Variants in CDC5L observed in about 807,000 individuals in gnomAD.
The protein encoded by CDC5L is cell division cycle 5 like.
Under a neutral mutation model 104.1 loss-of-function variants are expected in CDC5L, and 18 were observed. That is an observed-to-expected ratio of 0.17 (90% CI 0.12 to 0.26). The LOEUF (loss-of-function observed/expected upper bound fraction) is 0.26, where lower values mean the gene tolerates loss of function less well. Ranked by LOEUF, CDC5L falls within the 10% of genes least tolerant of loss-of-function variation. The pLI is 1.00. For missense variants in CDC5L, 673 were observed against 956.9 expected (o/e 0.70, Z 3.91); for synonymous variants, 331 against 322.7 (o/e 1.03, Z -0.28).
chr6:44,428,310 TTTG>T (rs1792519718), intron 13 of CDC5L, among the ~76,000 whole-genome samples: 1 of 152,078 alleles, frequency 6.6e-6, no homozygotes, highest in South Asian at 2.1e-4. Flanking sequence ...TTCCGTTTCT[TTTG>T]TTAAAATTTT....
chr6:44,390,913 T>C (rs1195127471), intron 2 of CDC5L, among the ~76,000 whole-genome samples: 1 of 144,100 alleles, frequency 6.9e-6, no homozygotes, highest in African/African-American at 2.6e-5. Flanking sequence ...CTTAATGTTA[T>C]ATATTATATA....
chr6:44,416,103 T>C (rs1234775203), intron 8 of CDC5L, among the ~76,000 whole-genome samples: 1 of 152,188 alleles, frequency 6.6e-6, no homozygotes, highest in Non-Finnish European at 1.5e-5. Context: ...CTTGGCCTCC[T>C]CTGATGTAGT....
intron 10 of CDC5L, among the ~76,000 whole-genome samples, chr6:44,423,030 C>T (rs573716149): frequency 2.6e-5 from 4 of 152,102 alleles, no homozygotes; most frequent in Non-Finnish European, 4.4e-5. Context: ...TATTGATGTT[C>T]GTTGTTGATT....
chr6:44,398,721 G>T (rs1197989290), intron 5 of CDC5L, among the ~76,000 whole-genome samples: 2 of 152,218 alleles, frequency 1.3e-5, no homozygotes, highest in South Asian at 4.2e-4. Flanking sequence ...TTGTGTAAAG[G>T]TTTTCTAATG....
At chr6:44,393,912 C>G (rs531554681) in intron 4 of CDC5L, among the ~76,000 whole-genome samples, 32 of 152,172 alleles carry the variant, frequency 2.1e-4, no homozygotes, top group Non-Finnish European at 4.4e-4. Context: ...GCTATCCTCC[C>G]TTTTCTGCCT....
chr6:44,392,703 A>G lies in CDC5L; in HGVS notation c.186A>G (p.Glu62=), dbSNP rs752980106. 1.4e-5 allele frequency: 23 copies of G among 1,613,988 alleles called. No individual in the cohort carries two copies. The highest frequency in any genetic ancestry group is 1.1e-5 in the South Asian group (1 of 91,086). Residue 62 remains glutamate, a synonymous_variant, in exon 3 of 16, where the codon GAA becomes GAG. Coordinates refer to ENST00000371477, the MANE Select transcript of CDC5L (RefSeq NM_001253.4). The part of the protein sequence containing the change: ...EWLDPSIKKT[E]WSREEEEKLL... ...TGGATCCAAGCATTAAGAAGACAGA[A>G]TGGTCCAGAGAAGAAGAGGAAAAAC...
chr6:44,400,889 C>G (rs866665936), intron 5 of CDC5L, among the ~76,000 whole-genome samples: 1 of 152,194 alleles, frequency 6.6e-6, no homozygotes, highest in Non-Finnish European at 1.5e-5. Flanking sequence ...AGTTGCACTA[C>G]AAAGTGATCC....
chr6:44,404,736 C>T (rs1019943503), intron 6 of CDC5L, among the ~76,000 whole-genome samples: 5 of 152,066 alleles, frequency 3.3e-5, no homozygotes, highest in African/African-American at 1.2e-4. Flanking sequence ...ACTCTTATCA[C>T]CCAGGCTGGA....
intron 14 of CDC5L, among the ~76,000 whole-genome samples, chr6:44,431,378 T>C (rs891970149): frequency 5.3e-5 from 8 of 152,212 alleles, no homozygotes; most frequent in Admixed American, 3.9e-4. Context: ...AGTGGTTAAA[T>C]TGTAAGTTAC....
chr6:44,423,156 C>G (rs926958846), intron 10 of CDC5L, among the ~76,000 whole-genome samples: 1 of 151,970 alleles, frequency 6.6e-6, no homozygotes. Context: ...TTATCTAATG[C>G]CACAGAAATC....
At position 44,409,948 on chromosome 6, in the gene CDC5L, TC is replaced by T. The variant is rs1791553441; in HGVS notation, c.1092+1317del. On this transcript the variant is annotated intron_variant, in intron 8 of 15. Transcript: ENST00000371477. ...GAATTTTTTTTTTTTTAGTTTTTTTTCATTGATAAGGAAAAATTGTATCTAT... is the reference window on the plus strand; with the variant it reads ...GAATTTTTTTTTTTTTAGTTTTTTTTATTGATAAGGAAAAATTGTATCTAT... Among the ~76,000 whole-genome samples the T allele has an allele frequency of 2.6e-5, 4 of 152,076 alleles. No individual in the cohort carries two copies. The South Asian group carries it at 8.3e-4, about 32-fold the overall frequency.
intron 1 of CDC5L, among the ~76,000 whole-genome samples, chr6:44,389,725 G>A (rs1200502009): frequency 6.6e-6 from 1 of 152,162 alleles, no homozygotes; most frequent in Non-Finnish European, 1.5e-5. Flanking sequence ...GTATAAACTT[G>A]AGACAGGAGG....
intron 9 of CDC5L, among the ~76,000 whole-genome samples, chr6:44,421,699 A>G (rs1318631415): frequency 6.6e-6 from 1 of 152,244 alleles, no homozygotes; most frequent in Non-Finnish European, 1.5e-5. Context: ...ACAATGTACC[A>G]ACTATTTATA....
intron 14 of CDC5L, among the ~76,000 whole-genome samples, 174 bp downstream of exon 14, chr6:44,430,084 T>G (rs1365891305): frequency 6.6e-6 from 1 of 152,042 alleles, no homozygotes; most frequent in African/African-American, 2.4e-5. Flanking sequence ...TCATTGTTTT[T>G]TTTTGTTTGT....
intron 14 of CDC5L, among the ~76,000 whole-genome samples, chr6:44,444,273 T>G (rs1793346652): frequency 6.6e-6 from 1 of 152,226 alleles, no homozygotes; most frequent in Admixed American, 6.5e-5. Context: ...GGGAGATATC[T>G]GCTGGAAGTG....
chr6:44,398,875 A>G (rs768967397), intron 5 of CDC5L, among the ~76,000 whole-genome samples: 2 of 152,258 alleles, frequency 1.3e-5, no homozygotes, highest in Non-Finnish European at 2.9e-5. Context: ...AAGTTGGATC[A>G]TACTGTACGG....
chr6:44,426,046 C>G (rs1792402151), intron 11 of CDC5L, 57 bp from the exon 12 acceptor site: 1 of 1,180,024 alleles, frequency 8.5e-7, no homozygotes, highest in Admixed American at 2.0e-5. Flanking sequence ...TTTAGCTTTA[C>G]TGAGAGATAT....
rs138610020 is a variant in CDC5L at position 44,429,728 on chromosome 6, G to A, written c.1909G>A (p.Val637Met). ...EELKKAQDVL[V>M]QEMEVVKQGM... is the part of the protein sequence containing the mutation. ...TTGTAAACAGGCCCAGGATGTTTTG[G>A]TGCAGGAGATGGAAGTGGTTAAACA... is the stretch of plus-strand genomic sequence containing the variant. Residue 637 changes from valine to methionine, a missense_variant, in exon 14 of 16, where the codon GTG becomes ATG. Physicochemically the swap from Val to Met is conservative, Grantham distance 21. Transcript: ENST00000371477. The A allele has an allele frequency of 7.4e-6, 12 of 1,613,724 alleles. No individual in the cohort carries two copies. Among genetic ancestry groups the A allele is most frequent in the South Asian group, 1.1e-5 (1 of 91,072 alleles).
At chr6:44,445,518 C>A in intron 14 of CDC5L, 137 bp from the exon 15 acceptor site, 1 of 615,158 alleles carries the variant, frequency 1.6e-6, no homozygotes, top group Non-Finnish European at 2.9e-6. Flanking sequence ...TATTTTGTTA[C>A]AGTAATTGAG....
Sources: allele counts gnomAD v4.1 joint callset (sites outside exome capture counted in the v4.1 genomes callset), GRCh38; gene constraint gnomAD v4.1.1; transcripts MANE v1.5; gene names NCBI Gene and HGNC (gene_info 2026-07-23, HGNC 2026-07-21).